The following MKLN1 variants were observed in gnomAD, a reference collection of about 807,000 sequenced individuals.
MKLN1 encodes muskelin 1, also known as muskelin.
In MKLN1, 18 loss-of-function variants were observed where a neutral mutation model predicts 99.0. That is an observed-to-expected ratio of 0.18 (90% CI 0.13 to 0.27). The LOEUF is 0.27. Ranked by LOEUF, MKLN1 falls within the 10% of genes least tolerant of loss-of-function variation. The probability of loss-of-function intolerance (pLI) is 1.00; values close to 1 mark genes in which losing one functional copy is unlikely to be tolerated. For missense variants in MKLN1, 621 were observed against 875.9 expected, an observed-to-expected ratio of 0.71 and a Z score of 3.67; for synonymous variants, 288 against 293.2, an observed-to-expected ratio of 0.98 and a Z score of 0.18.
intron 2 of MKLN1, among the ~76,000 whole-genome samples, chr7:131,165,557 G>C (rs1319684496): frequency 6.6e-6 from 1 of 152,142 alleles, no homozygotes; most frequent in East Asian, 1.9e-4. Context: ...CAGTAATAAA[G>C]TACAGAGCTG....
chr7:131,113,157 A>C (rs752516346), intron 1 of MKLN1, among the ~76,000 whole-genome samples: 9 of 152,238 alleles, frequency 5.9e-5, no homozygotes, highest in Non-Finnish European at 8.8e-5. Flanking sequence ...AATGGTGCCT[A>C]ACCCTGACCA....
At chr7:131,115,580 G>A (rs547572649) in intron 1 of MKLN1, among the ~76,000 whole-genome samples, 185 of 152,182 alleles carry the variant, frequency 1.2e-3, no homozygotes, top group Non-Finnish European at 1.8e-3. Flanking sequence ...CTCCATGTCT[G>A]CTGATGGCAC....
chr7:131,302,938 C>A (rs538927165), intron 3 of MKLN1, among the ~76,000 whole-genome samples: 1 of 152,084 alleles, frequency 6.6e-6, no homozygotes, highest in South Asian at 2.1e-4. Flanking sequence ...CAATCTGTAT[C>A]GTTTGTGTGG....
chr7:131,431,994 C>A (rs1795537059), intron 9 of MKLN1, among the ~76,000 whole-genome samples: 1 of 152,160 alleles, frequency 6.6e-6, no homozygotes, highest in South Asian at 2.1e-4. Context: ...TAAAGCCTTT[C>A]TTGAACTTGC....
intron 2 of MKLN1, among the ~76,000 whole-genome samples, chr7:131,155,755 A>C (rs1437312337): frequency 6.6e-6 from 1 of 152,216 alleles, no homozygotes; most frequent in East Asian, 1.9e-4. Flanking sequence ...GACAAAGGGC[A>C]GTTATGTAAC....
chr7:131,250,248 AAGG>A (rs1441078058), intron 3 of MKLN1, among the ~76,000 whole-genome samples: 2 of 151,976 alleles, frequency 1.3e-5, no homozygotes, highest in Non-Finnish European at 2.9e-5. Flanking sequence ...GGCTTGCTGG[AAGG>A]AGATGATGAG....
At chr7:131,447,164 G>T (rs1007321658) in intron 12 of MKLN1, among the ~76,000 whole-genome samples, 1 of 152,204 alleles carries the variant, frequency 6.6e-6, no homozygotes, top group Non-Finnish European at 1.5e-5. Context: ...ATAGTGGGAA[G>T]ATAGTGTAAG....
At chr7:131,141,671 T>A (rs1795735454) in intron 1 of MKLN1, among the ~76,000 whole-genome samples, 1 of 152,200 alleles carries the variant, frequency 6.6e-6, no homozygotes. Context: ...CCCCACCTCT[T>A]TATTTGGTTA....
At chr7:131,287,105 T>TCGAAA (rs1554547129) in intron 3 of MKLN1, among the ~76,000 whole-genome samples, 1 of 151,544 alleles carries the variant, frequency 6.6e-6, no homozygotes, top group African/African-American at 2.4e-5. Flanking sequence ...AAACCCTGTC[T>TCGAAA]CAAAACAAAA....
rs565075579 is a variant in MKLN1 at position 131,389,206 on chromosome 7, A to G, written c.400+234A>G. 3.3e-5 allele frequency among the ~76,000 whole-genome samples: 5 copies of G among 152,274 alleles called. No individual in the cohort carries two copies. In the South Asian group the frequency reaches 1.0e-3, roughly 32 times the overall value. On this transcript the variant is annotated intron_variant, in intron 4 of 17. Coordinates refer to ENST00000352689, the MANE Select transcript of MKLN1 (RefSeq NM_013255.5). Reference sequence around the variant, plus strand: ...TTAAATTTACTCTTTGGTCCTTTACAGGAGAAGTTTGCTGACTTCTGCTTT... The same window carrying G: ...TTAAATTTACTCTTTGGTCCTTTACGGGAGAAGTTTGCTGACTTCTGCTTT...
chr7:131,314,142 G>A (rs1216869554), intron 3 of MKLN1, among the ~76,000 whole-genome samples: 2 of 152,126 alleles, frequency 1.3e-5, no homozygotes, highest in South Asian at 2.1e-4. Context: ...CATACACAAA[G>A]GTTAAGTGTT....
intron 2 of MKLN1, among the ~76,000 whole-genome samples, chr7:131,161,826 A>G (rs574993679): frequency 6.6e-6 from 1 of 152,148 alleles, no homozygotes; most frequent in South Asian, 2.1e-4. Context: ...GGCGTGAGCC[A>G]CAATGCCTGG....
intron 12 of MKLN1, among the ~76,000 whole-genome samples, chr7:131,457,277 CAAA>C (rs1232469803): frequency 8.8e-6 from 1 of 113,900 alleles, no homozygotes; most frequent in African/African-American, 3.3e-5. Flanking sequence ...AACTCCATCT[CAAA>C]AAAAAAAAAA....
intron 1 of MKLN1, among the ~76,000 whole-genome samples, chr7:131,135,369 C>T (rs1763365317): frequency 6.6e-6 from 1 of 152,186 alleles, no homozygotes; most frequent in Admixed American, 6.5e-5. Flanking sequence ...GTGATCTGCC[C>T]TCCTCCTCCC....
chr7:131,172,906 A>G (rs1398917519), intron 2 of MKLN1, among the ~76,000 whole-genome samples: 1 of 152,196 alleles, frequency 6.6e-6, no homozygotes, highest in Non-Finnish European at 1.5e-5. Context: ...ACTTAAATGT[A>G]GTAGAGAGAT....
chr7:131,448,396 C>G (rs186631792), intron 12 of MKLN1, among the ~76,000 whole-genome samples: 1 of 152,152 alleles, frequency 6.6e-6, no homozygotes, highest in East Asian at 1.9e-4. Flanking sequence ...ATGGTTATGG[C>G]TAGCTTTAGA....
chr7:131,472,738 C>T (rs555592334), intron 16 of MKLN1, among the ~76,000 whole-genome samples: 1 of 152,142 alleles, frequency 6.6e-6, no homozygotes, highest in African/African-American at 2.4e-5. Context: ...ATCACGAGGT[C>T]AGGAGATCGA....
At chr7:131,113,485 T>A (rs867528849) in intron 1 of MKLN1, among the ~76,000 whole-genome samples, 2 of 152,120 alleles carry the variant, frequency 1.3e-5, no homozygotes, top group Non-Finnish European at 2.9e-5. Flanking sequence ...GAACCACTGA[T>A]GAATTTTAAG....
At chr7:131,225,419 A>G (rs1043042259) in intron 3 of MKLN1, among the ~76,000 whole-genome samples, 1 of 152,228 alleles carries the variant, frequency 6.6e-6, no homozygotes, top group Non-Finnish European at 1.5e-5. Flanking sequence ...GATTTTCAAT[A>G]CATGAAATTT....
Sources: allele counts gnomAD v4.1 joint callset (sites outside exome capture counted in the v4.1 genomes callset), GRCh38; gene constraint gnomAD v4.1.1; transcripts MANE v1.5; gene names NCBI Gene and HGNC (gene_info 2026-07-23, HGNC 2026-07-21).